The following ATP8B1 variants were observed in gnomAD, a reference collection of about 807,000 sequenced individuals.
The protein encoded by ATP8B1 is ATPase phospholipid transporting 8B1.
Under a neutral mutation model 149.9 loss-of-function variants are expected in ATP8B1, and 80 were observed. The ratio of observed to expected loss-of-function variants is 0.53; its 90% CI spans 0.45 to 0.64. The LOEUF (loss-of-function observed/expected upper bound fraction) is 0.64. Among genes scored for constraint, ATP8B1 ranks in the 30% least tolerant of loss-of-function variants. The probability of loss-of-function intolerance (pLI) is 0.00; values close to 1 mark genes in which losing one functional copy is unlikely to be tolerated. For missense variants in ATP8B1, 1,247 were observed against 1,552.6 expected (o/e 0.80, Z 3.31); for synonymous variants, 536 against 562.8 (o/e 0.95, Z 0.67).
intron 4 of ATP8B1, among the ~76,000 whole-genome samples, chr18:57,702,141 G>C (rs556927560): frequency 6.6e-6 from 1 of 152,200 alleles, no homozygotes; most frequent in Non-Finnish European, 1.5e-5. Context: ...ATTAGGGAGA[G>C]CATCTCTGAG....
chr18:57,661,676 T>TACATACAC (rs1555688752), intron 21 of ATP8B1, among the ~76,000 whole-genome samples: 52 of 104,606 alleles, frequency 5.0e-4, no homozygotes, highest in African/African-American at 6.3e-4. Context: ...TGTATGTATA[T>TACATACAC]ACACACACAC....
chr18:57,676,027 C>G (rs991247347), intron 15 of ATP8B1, among the ~76,000 whole-genome samples: 1 of 152,168 alleles, frequency 6.6e-6, no homozygotes, highest in Non-Finnish European at 1.5e-5. Context: ...TTTCTAAGAG[C>G]AGATTCCTAT....
intron 13 of ATP8B1, among the ~76,000 whole-genome samples, chr18:57,687,948 AATTT>A (rs1912337586): frequency 6.6e-6 from 1 of 151,960 alleles, no homozygotes; most frequent in South Asian, 2.1e-4. Flanking sequence ...ACACCTGGTT[AATTT>A]TTGTATTATT....
intron 1 of ATP8B1, among the ~76,000 whole-genome samples, chr18:57,792,684 A>T (rs1433329094): frequency 1.3e-5 from 2 of 152,220 alleles, no homozygotes; most frequent in African/African-American, 4.8e-5. Context: ...CAACAGTTGC[A>T]CAGCTATGTA....
chr18:57,671,467 C>A lies in ATP8B1; in HGVS notation c.1932+1G>T. On this transcript the variant is annotated splice_donor_variant, in intron 17 of 27. Transcript: ENST00000648908. LOFTEE classifies it high-confidence loss of function. ...GCAGAAAGAATAAAAGTGAAACTTA[C>A]ATCCAGGGCATCCTGTGTTTCTTGC... 2 of 1,605,042 alleles carry A rather than the reference C, an allele frequency of 1.2e-6. No individual in the cohort carries two copies. The highest frequency in any genetic ancestry group is 1.7e-6 in the Non-Finnish European group (2 of 1,171,744).
rs1346097284 is a variant in ATP8B1 at position 57,791,330 on chromosome 18, T to C, written c.-26+11668A>G. On this transcript the variant is annotated intron_variant, in intron 1 of 27. Transcript: ENST00000648908. ...TAGCATGTATTAAAATTTCCTTCCT[T>C]TTTTCTTTTTCTTTTCTTTTCTTTT... is the stretch of plus-strand genomic sequence containing the variant. 4.0e-5 allele frequency among the ~76,000 whole-genome samples: 6 copies of C among 150,270 alleles called. No individual in the cohort carries two copies. The East Asian group carries it at 9.6e-4, about 24-fold the overall frequency.
intron 23 of ATP8B1, among the ~76,000 whole-genome samples, chr18:57,654,858 T>C (rs571794235): frequency 7.9e-5 from 12 of 151,782 alleles, no homozygotes; most frequent in African/African-American, 2.2e-4. Flanking sequence ...GGAAAATTTT[T>C]GTATTTTTAG....
chr18:57,663,098 G>A (rs113718294), intron 20 of ATP8B1, among the ~76,000 whole-genome samples: 1 of 151,882 alleles, frequency 6.6e-6, no homozygotes, highest in Non-Finnish European at 1.5e-5. Flanking sequence ...CACCTCACTC[G>A]CCCTCCAGTC....
Position 57,713,196 on chromosome 18 carries a change from T to TTTCCTTCC in ATP8B1, c.182-6617_182-6610dup, listed in dbSNP as rs71171072. ...CTTTCTTTCTTTCTTTCTTTCTTTC[T>TTTCCTTCC]TTCCTTCCTTCCTTCCTTCCTTCCT... On this transcript the variant is annotated intron_variant, in intron 2 of 27. Transcript: ENST00000648908. Among the ~76,000 whole-genome samples the TTTCCTTCC allele has an allele frequency of 1.8e-3, 166 of 89,958 alleles. 1 individual carries two copies. Among genetic ancestry groups the TTTCCTTCC allele is most frequent in the African/African-American group, 3.4e-3 (89 of 26,562 alleles). The allele number at this position is 89,958 out of a possible 152,430, so 59.0% of individuals were successfully genotyped here. A position where few individuals can be genotyped will look rare whatever the true frequency, so the allele number is the denominator to read the frequency against.
chr18:57,710,961 G>T (rs377728818), intron 2 of ATP8B1, among the ~76,000 whole-genome samples: 61 of 152,320 alleles, frequency 4.0e-4, no homozygotes, highest in African/African-American at 1.5e-3. Context: ...CCTGTGAGAA[G>T]ATATTTGGGT....
intron 9 of ATP8B1, 48 bp from the exon 10 acceptor site, chr18:57,695,377 T>C (rs1912758383): frequency 1.3e-6 from 2 of 1,591,844 alleles, no homozygotes; most frequent in Non-Finnish European, 1.7e-6. Context: ...CAAAAGTCTT[T>C]CTGGTTTTAA....
intron 1 of ATP8B1, among the ~76,000 whole-genome samples, chr18:57,742,187 A>C (rs1013417389): frequency 6.6e-6 from 1 of 152,180 alleles, no homozygotes; most frequent in Admixed American, 6.6e-5. Context: ...AGTATTCTTG[A>C]AAGTAAAATG....
Position 57,648,202 on chromosome 18 carries a change from T to A in ATP8B1, c.*286A>T, listed in dbSNP as rs1909305674. ...GGTTTCACCATGTTGGCTGGGCTGG[T>A]CTCGAACTCCTGGCCTCAGGTGATC... On this transcript the variant is annotated 3_prime_UTR_variant, in exon 28 of 28. Coordinates refer to ENST00000648908, the MANE Select transcript of ATP8B1 (RefSeq NM_001374385.1). 1.9e-6 allele frequency: 1 copy of A among 517,522 alleles called. No individual in the cohort carries two copies. The allele number at this position is 517,522 out of a possible 1,614,324, so 32.1% of individuals were successfully genotyped here.
At chr18:57,685,229 G>C in intron 13 of ATP8B1, 114 bp from the exon 14 acceptor site, 1 of 1,121,900 alleles carries the variant, frequency 8.9e-7, no homozygotes, top group Non-Finnish European at 1.3e-6. Context: ...GCCTGGACAG[G>C]CTAAAATATT....
At chr18:57,796,892 C>T (rs985242015) in intron 1 of ATP8B1, among the ~76,000 whole-genome samples, 3 of 152,186 alleles carry the variant, frequency 2.0e-5, no homozygotes, top group African/African-American at 7.2e-5. Context: ...ACCTCATGAT[C>T]TGCCTGCCTT....
chr18:57,788,757 T>C (rs1318032703), intron 1 of ATP8B1, among the ~76,000 whole-genome samples: 3 of 152,106 alleles, frequency 2.0e-5, no homozygotes, highest in Non-Finnish European at 4.4e-5. Context: ...AACTATAAAG[T>C]GCTTTAAAAA....
In ATP8B1 at chr18:57,704,468, A is replaced by C. The variant is rs1281199984; in HGVS notation, c.393+87T>G. On this transcript the variant is annotated intron_variant, in intron 4 of 27. Coordinates refer to ENST00000648908, the MANE Select transcript of ATP8B1 (RefSeq NM_001374385.1). ...CCTGATGCTAATATAAAACACTTTC[A>C]AGATTATTCACATTATATGTGTCTA... is the stretch of plus-strand genomic sequence containing the variant. The C allele has an allele frequency of 4.3e-6, 4 of 940,782 alleles. No homozygotes were observed. In the African/African-American group the frequency reaches 4.9e-5, roughly 12 times the overall value. The allele number at this position is 940,782 out of a possible 1,614,324, so 58.3% of individuals were successfully genotyped here. A position where few individuals can be genotyped will look rare whatever the true frequency, so the allele number is the denominator to read the frequency against.
intron 1 of ATP8B1, among the ~76,000 whole-genome samples, chr18:57,768,732 T>G (rs1420793498): frequency 5.9e-5 from 9 of 152,176 alleles, no homozygotes; most frequent in Admixed American, 2.0e-4. Context: ...CATGCCAAGT[T>G]GGTAACAAAT....
chr18:57,659,462 A>G (rs1264216204), intron 22 of ATP8B1, among the ~76,000 whole-genome samples: 1 of 152,090 alleles, frequency 6.6e-6, no homozygotes, highest in Non-Finnish European at 1.5e-5. Flanking sequence ...CTCCAAAGCA[A>G]ACCCGTCCCC....
Sources: gnomAD v4.1 joint callset for allele counts (sites outside exome capture counted in the v4.1 genomes callset) on GRCh38, gnomAD v4.1.1 for gene constraint, MANE v1.5 for transcripts, NCBI Gene and HGNC (gene_info 2026-07-23, HGNC 2026-07-21) for gene names.